The following NIPAL2 variants were observed in gnomAD, a reference collection of about 807,000 sequenced individuals.
NIPAL2 encodes the protein NIPA-like protein 2.
A neutral mutation model predicts 48.9 loss-of-function variants in NIPAL2; 43 were observed. That is an observed-to-expected ratio of 0.88 (90% confidence interval 0.69 to 1.13). The LOEUF (loss-of-function observed/expected upper bound fraction) is 1.13, where lower values mean the gene tolerates loss of function less well. NIPAL2 is among the 50% of genes most tolerant of loss of function. The pLI, the probability that NIPAL2 is intolerant of heterozygous loss-of-function variation, is 0.00. For missense variants in NIPAL2, 446 were observed against 461.4 expected, an observed-to-expected ratio of 0.97 and a Z score of 0.31; for synonymous variants, 167 against 174.6, an observed-to-expected ratio of 0.96 and a Z score of 0.34.
rs372369740 is a variant in NIPAL2, at chr8:98,205,218, G to T, written c.684C>A (p.Ala228=). The T allele has an allele frequency of 6.2e-7, 1 of 1,612,252 alleles. No individual in the cohort carries two copies. The highest frequency in any genetic ancestry group is 1.7e-4 in the Middle Eastern group (1 of 6,038). Residue 228 remains alanine, a synonymous_variant, in exon 7 of 11, where the codon GCC becomes GCA. Transcript: ENST00000430223. Reference sequence around the variant, plus strand: ...CAGAAAAAGTGATCATGCCTGAGACGGCCTTTACTGAAATAACAGTCAATG... The same window carrying T: ...CAGAAAAAGTGATCATGCCTGAGACTGCCTTTACTGAAATAACAGTCAATG... ...LASLTVISVK[A]VSGMITFSVM... is the part of the protein sequence containing the mutation.
At position 98,242,488 on chromosome 8, in the gene NIPAL2, A is replaced by ATTTTTTGTTTTTTTT. The variant is rs774556900; in HGVS notation, c.377-6275_377-6274insAAAAAAAACAAAAAA. ...AGGCAAAAGCCACTGCACCTGACAGATTTTTTTTTTTTTTTTTTTAACTGA... is the reference window on the plus strand; with the variant it reads ...AGGCAAAAGCCACTGCACCTGACAGATTTTTTGTTTTTTTTTTTTTTTTTTTTTTTTTTTAACTGA... On this transcript the variant is annotated intron_variant, in intron 3 of 10. Coordinates refer to ENST00000430223, the MANE Select transcript of NIPAL2 (RefSeq NM_001321635.2). Among the ~76,000 whole-genome samples the ATTTTTTGTTTTTTTT allele has an allele frequency of 1.4e-4, 17 of 117,772 alleles. 1 individual carries two copies. The highest frequency in any genetic ancestry group is 5.1e-4 in the East Asian group (2 of 3,924). 77.3% of individuals were successfully genotyped at this position (117,772 alleles called of 152,430 possible).
intron 1 of NIPAL2, among the ~76,000 whole-genome samples, chr8:98,276,835 C>T (rs1025872633): frequency 3.8e-4 from 58 of 151,000 alleles, no homozygotes; most frequent in African/African-American, 1.0e-3. Flanking sequence ...TGCAGTTGCG[C>T]GATCTTGGCT....
intron 1 of NIPAL2, among the ~76,000 whole-genome samples, chr8:98,285,900 A>G (rs181135866): frequency 4.7e-4 from 72 of 152,300 alleles, no homozygotes; most frequent in African/African-American, 1.5e-3. Context: ...AGTTGCAAAG[A>G]AGGTGAAGTG....
chr8:98,210,885 A>G (rs1811276867), intron 6 of NIPAL2, among the ~76,000 whole-genome samples: 1 of 152,078 alleles, frequency 6.6e-6, no homozygotes, highest in African/African-American at 2.4e-5. Context: ...AAGCTGATTT[A>G]CCTTGTTTTA....
chr8:98,211,933 T>C (rs1280806080), intron 6 of NIPAL2, among the ~76,000 whole-genome samples: 1 of 152,022 alleles, frequency 6.6e-6, no homozygotes, highest in African/African-American at 2.4e-5. Context: ...ACAAAGTAAA[T>C]GGGTTGGTAA....
At chr8:98,206,302 GTA>G (rs1047658081) in intron 6 of NIPAL2, among the ~76,000 whole-genome samples, 1 of 148,228 alleles carries the variant, frequency 6.7e-6, no homozygotes, top group African/African-American at 2.6e-5. Context: ...GGTATTTTAT[GTA>G]TGTGTGTGTG....
intron 1 of NIPAL2, among the ~76,000 whole-genome samples, chr8:98,293,128 G>A (rs139735055): frequency 1.3e-5 from 2 of 152,260 alleles, no homozygotes; most frequent in Non-Finnish European, 1.5e-5. Flanking sequence ...TAAACTCTCC[G>A]ATTTAGGACA....
At chr8:98,273,317 C>G (rs2130882918) in intron 1 of NIPAL2, among the ~76,000 whole-genome samples, 1 of 152,168 alleles carries the variant, frequency 6.6e-6, no homozygotes, top group Non-Finnish European at 1.5e-5. Context: ...AATAACAAAT[C>G]TGTAGAGACA....
Position 98,275,566 on chromosome 8 carries a change from G to A in NIPAL2, c.135+18437C>T, listed in dbSNP as rs150657599. Among the ~76,000 whole-genome samples, 722 of 152,232 alleles carry A rather than the reference G, an allele frequency of 4.7e-3. 4 individuals carry two copies. The highest frequency in any genetic ancestry group is 0.016 in the African/African-American group (661 of 41,560). On this transcript the variant is annotated intron_variant, in intron 1 of 10. Transcript: ENST00000430223. ...TTGAACAAAGCTTCTATGAACATTC[G>A]TGTACAAATTCTACATGAAAATAAA...
At chr8:98,264,974 C>G (rs1168432446) in intron 1 of NIPAL2, among the ~76,000 whole-genome samples, 4 of 147,038 alleles carry the variant, frequency 2.7e-5, no homozygotes, top group Non-Finnish European at 4.5e-5. Flanking sequence ...AGAAATAACG[C>G]CACATATCTA....
Position 98,220,964 on chromosome 8 carries a change from C to CTTTTTT in NIPAL2, c.558+1509_558+1514dup, listed in dbSNP as rs557824737. On this transcript the variant is annotated intron_variant, in intron 5 of 10. Coordinates refer to ENST00000430223, the MANE Select transcript of NIPAL2 (RefSeq NM_001321635.2). ...TATTTCTCTATCAGTTCATTTCATT[C>CTTTTTT]TTTTTTTTTTTTTTTTTTTTTTTTT... 2.3e-3 allele frequency among the ~76,000 whole-genome samples: 156 copies of CTTTTTT among 68,666 alleles called. 5 individuals carry two copies. Among genetic ancestry groups the CTTTTTT allele is most frequent in the African/African-American group, 5.0e-3 (78 of 15,686 alleles). 45.0% of individuals were successfully genotyped at this position (68,666 alleles called of 152,430 possible). A position where few individuals can be genotyped will look rare whatever the true frequency, so the allele number is the denominator to read the frequency against.
chr8:98,290,310 A>T (rs1816425701), intron 1 of NIPAL2, among the ~76,000 whole-genome samples: 1 of 152,246 alleles, frequency 6.6e-6, no homozygotes, highest in Non-Finnish European at 1.5e-5. Flanking sequence ...GAAAATCAAA[A>T]GTTCAAAGAA....
In NIPAL2 at chr8:98,252,623, G is replaced by A. The variant is rs779998792; in HGVS notation, c.216C>T (p.His72=). ...SISLNIQKYS[H]LQLAQQEHPR... ...GGTGCTCTTGTTGTGCCAGCTGAAG[G>A]TGAGAATATTTCTGAAAGTAAATCA... Residue 72 remains histidine (H), a synonymous_variant, in exon 3 of 11, where the codon CAC becomes CAT. Coordinates refer to ENST00000430223, the MANE Select transcript of NIPAL2 (RefSeq NM_001321635.2). The A allele has an allele frequency of 1.9e-5, 31 of 1,611,014 alleles. No individual in the cohort carries two copies. In the East Asian group the frequency reaches 6.9e-4, roughly 36 times the overall value.
intron 4 of NIPAL2, among the ~76,000 whole-genome samples, chr8:98,226,261 G>T (rs894715141): frequency 6.6e-6 from 1 of 152,046 alleles, no homozygotes; most frequent in African/African-American, 2.4e-5. Context: ...TTCCTGGATG[G>T]TCTTGATGCT....
intron 1 of NIPAL2, among the ~76,000 whole-genome samples, chr8:98,283,622 C>T (rs539952802): frequency 7.0e-4 from 106 of 152,296 alleles, no homozygotes; most frequent in African/African-American, 2.5e-3. Flanking sequence ...TGCAGGCCAC[C>T]TTTTGCAGGC....
intron 1 of NIPAL2, among the ~76,000 whole-genome samples, chr8:98,254,948 C>A (rs1051744917): frequency 3.9e-5 from 6 of 152,210 alleles, no homozygotes; most frequent in African/African-American, 1.2e-4. Flanking sequence ...CTTGGCCCAC[C>A]TTGACTTTCT....
chr8:98,283,955 C>T (rs989609771), intron 1 of NIPAL2, among the ~76,000 whole-genome samples: 6 of 152,264 alleles, frequency 3.9e-5, no homozygotes, highest in East Asian at 3.9e-4. Flanking sequence ...TTTCTGAAAT[C>T]GAGGCAGACA....
chr8:98,237,222 T>A (rs113193559), intron 3 of NIPAL2, among the ~76,000 whole-genome samples: 9 of 151,852 alleles, frequency 5.9e-5, no homozygotes, highest in Non-Finnish European at 1.0e-4. Context: ...TAATTAAAAA[T>A]TTTTTTATTT....
intron 3 of NIPAL2, among the ~76,000 whole-genome samples, chr8:98,236,775 C>T (rs1345702139): frequency 3.5e-5 from 5 of 142,038 alleles, no homozygotes; most frequent in South Asian, 4.6e-4. Flanking sequence ...TTTCTTGAGC[C>T]TGGGAGGTTG....
Sources: allele counts gnomAD v4.1 joint callset (sites outside exome capture counted in the v4.1 genomes callset), GRCh38; gene constraint gnomAD v4.1.1; transcripts MANE v1.5; gene names NCBI Gene and HGNC (gene_info 2026-07-23, HGNC 2026-07-21).